The following R3HDM2 variants were observed in gnomAD, a reference collection of about 807,000 sequenced individuals.
The protein encoded by R3HDM2 is R3H domain containing 2.
A neutral mutation model predicts 124.5 loss-of-function variants in R3HDM2; 38 were observed. That is an observed-to-expected ratio of 0.31 (90% confidence interval 0.24 to 0.40). The LOEUF (loss-of-function observed/expected upper bound fraction) is 0.40, where lower values mean the gene tolerates loss of function less well. R3HDM2 is among the 10% of genes least tolerant of loss of function. The pLI, the probability that R3HDM2 is intolerant of heterozygous loss-of-function variation, is 1.00. For missense variants in R3HDM2, 869 were observed against 1,236.9 expected (o/e 0.70, Z 4.46); for synonymous variants, 391 against 448.0 (o/e 0.87, Z 1.61).
chr12:57,293,921 T>C lies in R3HDM2; in HGVS notation c.811-1254A>G, dbSNP rs184761048. 2.4e-3 allele frequency among the ~76,000 whole-genome samples: 366 copies of C among 152,338 alleles called. 1 individual carries two copies. Among genetic ancestry groups the C allele is most frequent in the Admixed American group, 4.4e-3 (68 of 15,304 alleles). ...AGACACAGGGCCTCAAGGAGCTATA[T>C]TGTCCTCAGCCCCTAGGTAAATCAA... On this transcript the variant is annotated intron_variant, in intron 10 of 23. Coordinates refer to ENST00000402412, the MANE Select transcript of R3HDM2 (RefSeq NM_001394031.1).
chr12:57,384,132 C>T (rs1336081451), intron 2 of R3HDM2, among the ~76,000 whole-genome samples: 2 of 152,132 alleles, frequency 1.3e-5, no homozygotes, highest in South Asian at 4.2e-4. Flanking sequence ...GAGGTCGAGG[C>T]GGGTGGATCA....
At position 57,295,512 on chromosome 12, in the gene R3HDM2, G is replaced by T; in HGVS notation, c.702-5C>A. On this transcript the variant is annotated splice_polypyrimidine_tract_variant and splice_region_variant and intron_variant, in intron 9 of 23. Coordinates refer to ENST00000402412, the MANE Select transcript of R3HDM2 (RefSeq NM_001394031.1). ...TCTGAGAACCTCTGTTCAGGGCTGA[G>T]ATTTGGAGAGAAATGTGAAAGGAAA... 3 of 1,543,772 alleles carry T rather than the reference G, an allele frequency of 1.9e-6. No individual in the cohort carries two copies. The highest frequency in any genetic ancestry group is 2.6e-6 in the Non-Finnish European group (3 of 1,140,130).
intron 2 of R3HDM2, among the ~76,000 whole-genome samples, chr12:57,362,712 C>T (rs536222923): frequency 1.6e-4 from 24 of 152,330 alleles, no homozygotes; most frequent in African/African-American, 5.8e-4. Context: ...ATAAACCCCA[C>T]AGAAGTTTTA....
At chr12:57,271,313 T>A (rs1164707646) in intron 14 of R3HDM2, among the ~76,000 whole-genome samples, 1 of 152,198 alleles carries the variant, frequency 6.6e-6, no homozygotes, top group African/African-American at 2.4e-5. Flanking sequence ...GGCCAGGCTG[T>A]AATTGCCTTC....
At chr12:57,288,883 G>A (rs1480573234) in intron 12 of R3HDM2, 126 bp downstream of exon 12, 5 of 1,551,310 alleles carry the variant, frequency 3.2e-6, no homozygotes, top group African/African-American at 1.4e-5. Flanking sequence ...TCTTGTGAGA[G>A]CTAGAAGAAA....
At chr12:57,417,812 C>T (rs1314260630) in intron 1 of R3HDM2, among the ~76,000 whole-genome samples, 2 of 152,122 alleles carry the variant, frequency 1.3e-5, no homozygotes, top group Non-Finnish European at 2.9e-5. Context: ...CAAAATATTA[C>T]TGGGTTATCT....
At position 57,266,671 on chromosome 12, in the gene R3HDM2, G is replaced by A. The variant is rs2042508522; in HGVS notation, c.2131+60C>T. ...TGCCCTTCCCAGCTCTAGAGCACAG[G>A]CCCTTCAGCAATGTTTGCTCTTGTC... On this transcript the variant is annotated intron_variant, in intron 19 of 23. Coordinates refer to ENST00000402412, the MANE Select transcript of R3HDM2 (RefSeq NM_001394031.1). The A allele has an allele frequency of 3.0e-6, 4 of 1,339,480 alleles. No homozygotes were observed. In the Admixed American group the frequency reaches 7.2e-5, roughly 24 times the overall value. The allele number at this position is 1,339,480 out of a possible 1,614,324, so 83.0% of individuals were successfully genotyped here. A position where few individuals can be genotyped will look rare whatever the true frequency, so the allele number is the denominator to read the frequency against.
chr12:57,325,263 C>T (rs2136405219), intron 2 of R3HDM2, among the ~76,000 whole-genome samples: 1 of 152,334 alleles, frequency 6.6e-6, no homozygotes, highest in Admixed American at 6.5e-5. Flanking sequence ...CTGCCTCAGC[C>T]TCCCCAAGTA....
chr12:57,424,959 CA>C (rs1446202667), intron 1 of R3HDM2, among the ~76,000 whole-genome samples: 1 of 152,100 alleles, frequency 6.6e-6, no homozygotes, highest in Non-Finnish European at 1.5e-5. Context: ...GACTCCGTCT[CA>C]AAAAAATAAA....
intron 2 of R3HDM2, among the ~76,000 whole-genome samples, chr12:57,334,866 C>T (rs929911562): frequency 6.6e-6 from 1 of 151,636 alleles, no homozygotes; most frequent in Non-Finnish European, 1.5e-5. Context: ...GGCCAGGTGT[C>T]GTGGCTCATG....
At chr12:57,318,354 A>C (rs1163520520) in intron 2 of R3HDM2, among the ~76,000 whole-genome samples, 2 of 152,046 alleles carry the variant, frequency 1.3e-5, no homozygotes, top group Non-Finnish European at 2.9e-5. Flanking sequence ...CTTTAAGTAG[A>C]AATAACTGAC....
At chr12:57,360,006 A>AATATAT (rs1366274892) in intron 2 of R3HDM2, among the ~76,000 whole-genome samples, 14,821 of 117,214 alleles carry the variant, frequency 0.13, 1,236 homozygotes, top group Admixed American at 0.22. Flanking sequence ...TAAATAAATA[A>AATATAT]ATATATATAT....
rs886092728 is a variant in R3HDM2 at position 57,268,903 on chromosome 12, C to T, written c.1875+19G>A. On this transcript the variant is annotated intron_variant, in intron 17 of 23. Transcript: ENST00000402412. ...TGCCAAGGACTGGGGTGATCCTTCCCAATGCAGAATGCACCCACTTGGTAA... is the reference window on the plus strand; with the variant it reads ...TGCCAAGGACTGGGGTGATCCTTCCTAATGCAGAATGCACCCACTTGGTAA... The T allele has an allele frequency of 3.7e-6, 6 of 1,611,672 alleles. No homozygotes were observed. The highest frequency in any genetic ancestry group is 1.3e-5 in the African/African-American group (1 of 74,888).
chr12:57,388,651 C>T (rs550633041), intron 2 of R3HDM2, among the ~76,000 whole-genome samples: 1 of 152,086 alleles, frequency 6.6e-6, no homozygotes, highest in African/African-American at 2.4e-5. Flanking sequence ...GTTATTTGCG[C>T]AGGAGGGCTA....
intron 19 of R3HDM2, among the ~76,000 whole-genome samples, chr12:57,265,205 G>A (rs1308008984): frequency 1.3e-5 from 2 of 152,114 alleles, no homozygotes; most frequent in African/African-American, 2.4e-5. Context: ...TATGGGATGC[G>A]GAAAGTCAAA....
At chr12:57,343,889 C>T (rs1252312365) in intron 2 of R3HDM2, among the ~76,000 whole-genome samples, 2 of 151,886 alleles carry the variant, frequency 1.3e-5, no homozygotes, top group Non-Finnish European at 2.9e-5. Context: ...AACTTTTACA[C>T]TTCATGAGAT....
intron 1 of R3HDM2, among the ~76,000 whole-genome samples, chr12:57,405,766 A>G (rs1235291023): frequency 1.3e-5 from 2 of 152,236 alleles, no homozygotes; most frequent in Admixed American, 1.3e-4. Context: ...ACAATGACCA[A>G]CACACTAAGC....
intron 7 of R3HDM2, chr12:57,297,866 C>T (rs978214349): frequency 2.9e-5 from 16 of 555,590 alleles, no homozygotes; most frequent in African/African-American, 5.7e-5. Flanking sequence ...TTTCTGCATT[C>T]TTCTTTCACA....
intron 2 of R3HDM2, among the ~76,000 whole-genome samples, chr12:57,330,060 G>A (rs775037344): frequency 1.2e-4 from 18 of 152,058 alleles, no homozygotes; most frequent in Non-Finnish European, 7.4e-5. Context: ...TCCGCCTCCC[G>A]GGTTTAAGTG....
Sources: allele counts gnomAD v4.1 joint callset (sites outside exome capture counted in the v4.1 genomes callset), GRCh38; gene constraint gnomAD v4.1.1; transcripts MANE v1.5; gene names NCBI Gene and HGNC (gene_info 2026-07-23, HGNC 2026-07-21).